The following FAM149B1 variants were observed in gnomAD, a reference collection of about 807,000 sequenced individuals.
FAM149B1 encodes the protein primary cilium assembly protein FAM149B1.
A neutral mutation model predicts 75.3 loss-of-function variants in FAM149B1; 56 were observed. The observed-to-expected ratio is 0.74, with a 90% CI of 0.60 to 0.93. The LOEUF (loss-of-function observed/expected upper bound fraction) is 0.93, where lower values mean the gene tolerates loss of function less well. FAM149B1 is among the 40% of genes least tolerant of loss of function. The pLI is 0.00. For synonymous variants in FAM149B1, 259 were observed against 256.1 expected (o/e 1.01, Z -0.11); for missense variants, 639 against 708.4 (o/e 0.90, Z 1.11).
rs566280406 is a variant in FAM149B1, at chr10:73,218,427, T to A, written c.898+7989T>A. On this transcript the variant is annotated intron_variant, in intron 7 of 13. Transcript: ENST00000242505. The stretch of plus-strand genomic sequence containing the variant: ...TTTTGTAGTGACTCTGTCCCTTTAG[T>A]CCAAATTGGCAGTTTTTCTGTTGAA... Among the ~76,000 whole-genome samples the A allele has an allele frequency of 1.5e-3, 228 of 152,350 alleles. 7 individuals are homozygous for A. In the South Asian group the frequency reaches 0.046, roughly 31 times the overall value.
At position 73,168,177 on chromosome 10, in the gene FAM149B1, G is replaced by C; in HGVS notation, c.-163G>C. 1.4e-6 allele frequency: 1 copy of C among 692,418 alleles called. No homozygotes were observed. Among genetic ancestry groups the C allele is most frequent in the South Asian group, 2.0e-5 (1 of 50,588 alleles). The allele number at this position is 692,418 out of a possible 1,614,324, so 42.9% of individuals were successfully genotyped here. On this transcript the variant is annotated 5_prime_UTR_variant, in exon 1 of 14. Transcript: ENST00000242505. ...AGGACTGGAGAGGTGGGGACCCTGGGGAGGTGGCTGCTCGGAGTCTAGGTG... is the reference window on the plus strand; with the variant it reads ...AGGACTGGAGAGGTGGGGACCCTGGCGAGGTGGCTGCTCGGAGTCTAGGTG...
chr10:73,235,097 T>C (rs776858653), intron 11 of FAM149B1, 96 bp from the exon 12 acceptor site: 1,249 of 1,457,806 alleles, frequency 8.6e-4, no homozygotes, highest in Non-Finnish European at 1.1e-3. Flanking sequence ...CTGTTTGGCC[T>C]GCACTTACCA....
chr10:73,222,927 A>C (rs761606557), intron 7 of FAM149B1, among the ~76,000 whole-genome samples: 1 of 152,220 alleles, frequency 6.6e-6, no homozygotes, highest in Non-Finnish European at 1.5e-5. Flanking sequence ...ATTTACATCA[A>C]GTAAGCTTGA....
chr10:73,231,791 G>A (rs1181352754), intron 9 of FAM149B1, among the ~76,000 whole-genome samples: 3 of 152,120 alleles, frequency 2.0e-5, no homozygotes, highest in Admixed American at 1.3e-4. Context: ...GAAGAGGTCG[G>A]ATCTAGAGAC....
In FAM149B1 at chr10:73,235,160, T is replaced by C. The variant is rs746770486; in HGVS notation, c.1477-33T>C. 11 of 1,549,266 alleles carry C rather than the reference T, an allele frequency of 7.1e-6. No individual in the cohort carries two copies. In the African/African-American group the frequency reaches 1.4e-4, roughly 19 times the overall value. On this transcript the variant is annotated intron_variant, in intron 11 of 13. Coordinates refer to ENST00000242505, the MANE Select transcript of FAM149B1 (RefSeq NM_173348.2). ...CTACATACCACATTACAGATAGTTT[T>C]CACTGTTTCTGTAACTTTTGTCTCC...
intron 5 of FAM149B1, among the ~76,000 whole-genome samples, chr10:73,199,545 T>G (rs184266590): frequency 1.6e-4 from 25 of 152,014 alleles, no homozygotes; most frequent in East Asian, 1.2e-3. Flanking sequence ...TATTTGGTTG[T>G]TTGTTTTAGG....
At chr10:73,240,065 C>CA (rs2043907240) in intron 13 of FAM149B1, among the ~76,000 whole-genome samples, 1 of 152,146 alleles carries the variant, frequency 6.6e-6, no homozygotes, top group Admixed American at 6.5e-5. Context: ...GCTAGGGCTA[C>CA]AAGCAGTGCC....
At position 73,223,602 on chromosome 10, in the gene FAM149B1, A is replaced by G. The variant is rs187343067; in HGVS notation, c.899-4458A>G. Among the ~76,000 whole-genome samples the G allele has an allele frequency of 1.6e-3, 249 of 152,352 alleles. 2 individuals carry two copies. The highest frequency in any genetic ancestry group is 2.0e-3 in the Non-Finnish European group (136 of 68,038). On this transcript the variant is annotated intron_variant, in intron 7 of 13. Coordinates refer to ENST00000242505, the MANE Select transcript of FAM149B1 (RefSeq NM_173348.2). ...AGTGGATATGGCCAAAAAAATTTTC[A>G]AAGTGGTTATACCTACTTACAGCCT...
chr10:73,172,306 G>A (rs757775531), intron 1 of FAM149B1, among the ~76,000 whole-genome samples: 3 of 152,038 alleles, frequency 2.0e-5, no homozygotes, highest in Non-Finnish European at 2.9e-5. Flanking sequence ...CCACTGACTG[G>A]GCTCTTAGCT....
intron 1 of FAM149B1, among the ~76,000 whole-genome samples, chr10:73,169,562 T>G (rs1001289845): frequency 6.6e-6 from 1 of 151,686 alleles, no homozygotes; most frequent in African/African-American, 2.4e-5. Flanking sequence ...GCTCAGGTGA[T>G]CCTCACAATG....
chr10:73,185,843 A>G (rs1350985911), intron 3 of FAM149B1, among the ~76,000 whole-genome samples: 4 of 152,318 alleles, frequency 2.6e-5, no homozygotes, highest in Middle Eastern at 6.8e-3. Flanking sequence ...ATCAATATGT[A>G]AAAATCAACT....
At chr10:73,204,870 T>A (rs2043017033) in intron 5 of FAM149B1, among the ~76,000 whole-genome samples, 1 of 137,308 alleles carries the variant, frequency 7.3e-6, no homozygotes. Flanking sequence ...CTGTGCCTCC[T>A]GGGTTCACGC....
At chr10:73,209,392 G>A (rs914597333) in intron 6 of FAM149B1, among the ~76,000 whole-genome samples, 2 of 152,056 alleles carry the variant, frequency 1.3e-5, no homozygotes, top group African/African-American at 4.8e-5. Flanking sequence ...AGGTTGCAGT[G>A]AGCCGAGATC....
At chr10:73,230,646 G>A in intron 9 of FAM149B1, 121 bp downstream of exon 9, 1 of 625,422 alleles carries the variant, frequency 1.6e-6, no homozygotes, top group Non-Finnish European at 2.9e-6. Context: ...CTCCTGGGGA[G>A]TAAAACATCC....
chr10:73,223,747 T>A (rs78976440), intron 7 of FAM149B1, among the ~76,000 whole-genome samples: 1 of 150,748 alleles, frequency 6.6e-6, no homozygotes, highest in Admixed American at 6.6e-5. Context: ...TTTTTTTTTT[T>A]AAGCTTGTAT....
chr10:73,218,593 C>A (rs1193315490), intron 7 of FAM149B1, among the ~76,000 whole-genome samples: 1 of 152,058 alleles, frequency 6.6e-6, no homozygotes, highest in Non-Finnish European at 1.5e-5. Flanking sequence ...GAGACAAAGC[C>A]CTTAAGTTTC....
chr10:73,178,422 T>A (rs1014657340), intron 3 of FAM149B1, among the ~76,000 whole-genome samples: 1 of 149,248 alleles, frequency 6.7e-6, no homozygotes, highest in Non-Finnish European at 1.5e-5. Flanking sequence ...ACGCGGGAGG[T>A]GGAGGTTGCT....
At chr10:73,232,097 G>A (rs1297405097) in intron 9 of FAM149B1, among the ~76,000 whole-genome samples, 3 of 152,172 alleles carry the variant, frequency 2.0e-5, no homozygotes, top group Non-Finnish European at 4.4e-5. Flanking sequence ...GGAACTTGCT[G>A]AAAGCTATAG....
chr10:73,200,221 C>T (rs373541599), intron 5 of FAM149B1: 13 of 234,744 alleles, frequency 5.5e-5, no homozygotes, highest in African/African-American at 2.5e-4. Context: ...CCCAGCTACT[C>T]GGGAGGCTGA....
Sources: allele counts gnomAD v4.1 joint callset (sites outside exome capture counted in the v4.1 genomes callset), GRCh38; gene constraint gnomAD v4.1.1; transcripts MANE v1.5; gene names NCBI Gene and HGNC (gene_info 2026-07-23, HGNC 2026-07-21).